The following UBE2Q1 variants were observed in gnomAD, a reference collection of about 807,000 sequenced individuals.
UBE2Q1 encodes the protein ubiquitin conjugating enzyme E2 Q1, also known as ubiquitin-conjugating enzyme E2 Q1.
UBE2Q1 carries 6 observed loss-of-function variants against 60.1 expected under a neutral mutation model. The ratio of observed to expected loss-of-function variants is 0.10; its 90% CI spans 0.05 to 0.20. UBE2Q1 has a LOEUF of 0.20. UBE2Q1 is among the 10% of genes least tolerant of loss of function. The pLI is 1.00. For missense variants in UBE2Q1, 262 were observed against 525.8 expected, an observed-to-expected ratio of 0.50 and a Z score of 4.91; for synonymous variants, 226 against 208.3, an observed-to-expected ratio of 1.09 and a Z score of -0.73.
At chr1:154,551,616 C>T in intron 10 of UBE2Q1, 124 bp from the exon 11 acceptor site, 1 of 1,430,042 alleles carries the variant, frequency 7.0e-7, no homozygotes, top group Non-Finnish European at 9.8e-7. Flanking sequence ...CCAGCACTGC[C>T]ACCACCTGTC....
intron 7 of UBE2Q1, 28 bp from the exon 8 acceptor site, chr1:154,552,211 T>A (rs778566368): frequency 6.2e-7 from 1 of 1,613,748 alleles, no homozygotes; most frequent in African/African-American, 1.3e-5. Context: ...TGGGCTCAGA[T>A]GCCTGGTTCC....
chr1:154,551,201 C>A, intron 11 of UBE2Q1, 196 bp downstream of exon 11: 2 of 839,730 alleles, frequency 2.4e-6, no homozygotes, highest in East Asian at 2.6e-5. Flanking sequence ...CCCGAAACCT[C>A]CCAAAAGTCC....
At position 154,550,996 on chromosome 1, in the gene UBE2Q1, G is replaced by A. The variant is rs1020110630; in HGVS notation, c.1179C>T (p.Tyr393=). 1 of 1,614,000 alleles carries A rather than the reference G, an allele frequency of 6.2e-7. No homozygotes were observed. The highest frequency in any genetic ancestry group is 1.3e-5 in the African/African-American group (1 of 74,912). ...AGGACTGCTGTGCTCTTGTCAGACT[G>A]TATTGAGACTGGGGAGAGGAAGCCA... ...RVQFGANKSQ[Y]SLTRAQQSYK... Residue 393 remains tyrosine, a synonymous_variant, in exon 12 of 13, where the codon TAC becomes TAT. Coordinates refer to ENST00000292211, the MANE Select transcript of UBE2Q1 (RefSeq NM_017582.7).
Position 154,558,614 on chromosome 1 carries a change from T to TCCTCCGCCGCCGCCGCCGCCGCCG in UBE2Q1, c.-62_-61insCGGCGGCGGCGGCGGCGGCGGAGG, listed in dbSNP as rs1695937957. The TCCTCCGCCGCCGCCGCCGCCGCCG allele has an allele frequency of 1.3e-6, 1 of 751,250 alleles. No individual in the cohort carries two copies. The highest frequency in any genetic ancestry group is 2.0e-5 in the African/African-American group (1 of 50,876). The allele number at this position is 751,250 out of a possible 1,614,324, so 46.5% of individuals were successfully genotyped here. A position where few individuals can be genotyped will look rare whatever the true frequency, so the allele number is the denominator to read the frequency against. On this transcript the variant is annotated 5_prime_UTR_variant, in exon 1 of 13. Coordinates refer to ENST00000292211, the MANE Select transcript of UBE2Q1 (RefSeq NM_017582.7). The stretch of plus-strand genomic sequence containing the variant: ...GGAGCCTCCGGCCTGCGCTCCGGGC[T>TCCTCCGCCGCCGCCGCCGCCGCCG]CCGCCGCCGCCGCCGCCGCCGCCGC...
At chr1:154,556,971 A>C (rs1169417971) in intron 1 of UBE2Q1, among the ~76,000 whole-genome samples, 1 of 152,174 alleles carries the variant, frequency 6.6e-6, no homozygotes, top group Non-Finnish European at 1.5e-5. Context: ...CTGGAGGAAA[A>C]ATAATTATCA....
At chr1:154,554,497 C>A (rs1695848923) in intron 4 of UBE2Q1, among the ~76,000 whole-genome samples, 1 of 152,294 alleles carries the variant, frequency 6.6e-6, no homozygotes, top group Admixed American at 6.5e-5. Context: ...GACTCCAAAG[C>A]CATTTGAAAT....
Position 154,556,042 on chromosome 1 carries a change from C to A in UBE2Q1, c.328-78G>T, listed in dbSNP as rs570034903. The A allele has an allele frequency of 3.0e-3, 3,838 of 1,295,792 alleles. 7 individuals are homozygous for A. The highest frequency in any genetic ancestry group is 3.0e-3 in the Non-Finnish European group (2,731 of 900,324). 80.3% of individuals were successfully genotyped at this position (1,295,792 alleles called of 1,614,324 possible). ...CCAGATTTTGCCTGTCCTCTTCCCC[C>A]CAAGACTTCTAGCCCCTTTGCTTCC... On this transcript the variant is annotated intron_variant, in intron 1 of 12. Coordinates refer to ENST00000292211, the MANE Select transcript of UBE2Q1 (RefSeq NM_017582.7).
At chr1:154,551,521 G>A (rs771882558) in intron 10 of UBE2Q1, 29 bp from the exon 11 acceptor site, 1 of 1,607,292 alleles carries the variant, frequency 6.2e-7, no homozygotes. Flanking sequence ...AAGGCAAGCA[G>A]GTCCAGATGG....
At chr1:154,558,170 T>C (rs1695925169) in intron 1 of UBE2Q1, 57 bp downstream of exon 1, 3 of 1,392,924 alleles carry the variant, frequency 2.2e-6, no homozygotes, top group Non-Finnish European at 2.9e-6. Context: ...CTGGATGGAG[T>C]GATCCTGGGT....
intron 1 of UBE2Q1, among the ~76,000 whole-genome samples, chr1:154,556,281 C>T (rs1312676743): frequency 2.0e-5 from 3 of 152,286 alleles, no homozygotes; most frequent in East Asian, 3.9e-4. Flanking sequence ...CTCCTCATCT[C>T]CTGCACTGCC....
At position 154,551,998 on chromosome 1, in the gene UBE2Q1, A is replaced by G; in HGVS notation, c.967-19T>C. The G allele has an allele frequency of 6.2e-7, 1 of 1,614,060 alleles. No individual in the cohort carries two copies. ...AGTTATCCTGAGAGAGAGAGAGACGACAATCAGGGGAGGGAGGCCAGCATC... is the reference window on the plus strand; with the variant it reads ...AGTTATCCTGAGAGAGAGAGAGACGGCAATCAGGGGAGGGAGGCCAGCATC... On this transcript the variant is annotated intron_variant, in intron 8 of 12. Coordinates refer to ENST00000292211, the MANE Select transcript of UBE2Q1 (RefSeq NM_017582.7).
At chr1:154,557,466 CAG>C (rs984725954) in intron 1 of UBE2Q1, among the ~76,000 whole-genome samples, 1 of 152,208 alleles carries the variant, frequency 6.6e-6, no homozygotes, top group African/African-American at 2.4e-5. Flanking sequence ...ATGACGCTCA[CAG>C]GGGAGAAATG....
intron 6 of UBE2Q1, 56 bp downstream of exon 6, chr1:154,552,680 C>T (rs974335212): frequency 1.2e-5 from 19 of 1,587,536 alleles, no homozygotes; most frequent in African/African-American, 2.7e-5. Context: ...CCCCTTGCCA[C>T]CATACCCTTC....
chr1:154,552,050 G>A, intron 8 of UBE2Q1, 43 bp downstream of exon 8: 5 of 1,613,822 alleles, frequency 3.1e-6, no homozygotes, highest in Non-Finnish European at 4.2e-6. Flanking sequence ...GGCAGACTGG[G>A]CAGCCTAGGC....
rs914502480 is a variant in UBE2Q1 at position 154,549,740 on chromosome 1, T to C, written c.*698A>G. 4 of 152,696 alleles carry C rather than the reference T, an allele frequency of 2.6e-5. No homozygotes were observed. Among genetic ancestry groups the C allele is most frequent in the Non-Finnish European group, 4.4e-5 (3 of 68,054 alleles). The allele number at this position is 152,696 out of a possible 1,614,324, so 9.5% of individuals were successfully genotyped here. A position where few individuals can be genotyped will look rare whatever the true frequency, so the allele number is the denominator to read the frequency against. Reference sequence around the variant, plus strand: ...CGTTTCAGCCTACCACATTGTAGTTTGGCAGGCCAGGCTCTGCATTCCAAG... The same window carrying C: ...CGTTTCAGCCTACCACATTGTAGTTCGGCAGGCCAGGCTCTGCATTCCAAG... On this transcript the variant is annotated 3_prime_UTR_variant, in exon 13 of 13. Coordinates refer to ENST00000292211, the MANE Select transcript of UBE2Q1 (RefSeq NM_017582.7).
rs1000614768 is a variant in UBE2Q1 at position 154,549,614 on chromosome 1, A to G, written c.*824T>C. 1.3e-5 allele frequency: 2 copies of G among 152,694 alleles called. No individual in the cohort carries two copies. Among genetic ancestry groups the G allele is most frequent in the Admixed American group, 6.5e-5 (1 of 15,290 alleles). The allele number at this position is 152,694 out of a possible 1,614,324, so 9.5% of individuals were successfully genotyped here. On this transcript the variant is annotated 3_prime_UTR_variant, in exon 13 of 13. Coordinates refer to ENST00000292211, the MANE Select transcript of UBE2Q1 (RefSeq NM_017582.7). ...GTCCCCATCCCCACTCAATTCATTC[A>G]AAAGGAATTCTACGAAGCAGCCTCT...
At chr1:154,552,647 CCTGG>C (rs1170367581) in intron 6 of UBE2Q1, 85 bp downstream of exon 6, 35 of 1,518,130 alleles carry the variant, frequency 2.3e-5, no homozygotes, top group Non-Finnish European at 3.0e-5. Flanking sequence ...CATAAGCACT[CCTGG>C]ACCCCAGAAC....
chr1:154,555,759 T>A (rs1214449340), intron 2 of UBE2Q1, 101 bp downstream of exon 2: 1 of 1,125,852 alleles, frequency 8.9e-7, no homozygotes, highest in Non-Finnish European at 1.3e-6. Context: ...CCTAAATGTT[T>A]AGCTGTGTAC....
chr1:154,552,027 C>T (rs373517328), intron 8 of UBE2Q1, 48 bp from the exon 9 acceptor site: 1 of 1,613,888 alleles, frequency 6.2e-7, no homozygotes, highest in Non-Finnish European at 8.5e-7. Flanking sequence ...CAGCATCCTC[C>T]ACAGGACTGT....
Sources: gnomAD v4.1 joint callset for allele counts (sites outside exome capture counted in the v4.1 genomes callset) on GRCh38, gnomAD v4.1.1 for gene constraint, MANE v1.5 for transcripts, NCBI Gene and HGNC (gene_info 2026-07-23, HGNC 2026-07-21) for gene names.